Variants in PDIA4 observed in about 807,000 individuals in gnomAD.
PDIA4 encodes protein disulfide isomerase family A member 4, also known as protein disulfide-isomerase A4.
PDIA4 carries 33 observed loss-of-function variants against 62.1 expected under a neutral mutation model. That is an observed-to-expected ratio of 0.53 (90% CI 0.40 to 0.71). The LOEUF is 0.71. PDIA4 is among the 30% of genes least tolerant of loss of function. The pLI is 0.00. For synonymous variants in PDIA4, 341 were observed against 324.1 expected, an observed-to-expected ratio of 1.05 and a Z score of -0.56; for missense variants, 804 against 813.6, an observed-to-expected ratio of 0.99 and a Z score of 0.14.
At chr7:149,015,682 G>A (rs546618935) in intron 3 of PDIA4, among the ~76,000 whole-genome samples, 45 of 152,284 alleles carry the variant, frequency 3.0e-4, no homozygotes, top group African/African-American at 8.7e-4. Context: ...TTCTTAGGAC[G>A]AGTGGTTGCA....
intron 7 of PDIA4, among the ~76,000 whole-genome samples, chr7:149,007,009 T>A (rs1054267572): frequency 1.3e-5 from 2 of 152,064 alleles, no homozygotes; most frequent in Non-Finnish European, 2.9e-5. Flanking sequence ...TCGGGATCAA[T>A]GGCCCCCCAA....
At chr7:149,007,974 G>GGC (rs1194745296) in intron 7 of PDIA4, among the ~76,000 whole-genome samples, 185 bp downstream of exon 7, 2 of 152,258 alleles carry the variant, frequency 1.3e-5, no homozygotes, top group Non-Finnish European at 2.9e-5. Flanking sequence ...CTGTCCCTCC[G>GGC]GCAAAGAGAG....
intron 1 of PDIA4, among the ~76,000 whole-genome samples, chr7:149,026,800 GAA>G (rs71529658): frequency 0.26 from 32,276 of 125,302 alleles, 4,285 homozygotes; most frequent in African/African-American, 0.4. Context: ...CCTTATCTAG[GAA>G]AAAAAAAAAA....
chr7:149,015,876 G>A (rs1369881913), intron 3 of PDIA4, among the ~76,000 whole-genome samples: 3 of 152,242 alleles, frequency 2.0e-5, no homozygotes, highest in African/African-American at 7.2e-5. Flanking sequence ...TAACACATAG[G>A]AGGCCTCTTT....
Position 149,028,490 on chromosome 7 carries a change from C to A in PDIA4, c.-82G>T, listed in dbSNP as rs1317901842. On this transcript the variant is annotated 5_prime_UTR_variant, in exon 1 of 10. Coordinates refer to ENST00000652332, the MANE Select transcript of PDIA4 (RefSeq NM_004911.5). Reference sequence around the variant, plus strand: ...ACTCGGGGTCTGGCCGACAGCCCGTCGCTCCTTAGCGACGCGGGGGAGCCG... The same window carrying A: ...ACTCGGGGTCTGGCCGACAGCCCGTAGCTCCTTAGCGACGCGGGGGAGCCG... 1.5e-5 allele frequency: 14 copies of A among 965,146 alleles called. No homozygotes were observed. The highest frequency in any genetic ancestry group is 7.0e-5 in the African/African-American group (4 of 57,234). The allele number at this position is 965,146 out of a possible 1,614,324, so 59.8% of individuals were successfully genotyped here.
intron 1 of PDIA4, among the ~76,000 whole-genome samples, chr7:149,027,543 T>A (rs568439678): frequency 5.9e-5 from 9 of 152,356 alleles, no homozygotes; most frequent in Admixed American, 5.9e-4. Context: ...GGATGCCTTA[T>A]TCTCTAGGAA....
At chr7:149,022,801 G>A (rs1018512114) in intron 1 of PDIA4, among the ~76,000 whole-genome samples, 7 of 152,112 alleles carry the variant, frequency 4.6e-5, no homozygotes, top group Non-Finnish European at 7.4e-5. Context: ...GGTCTGTGCC[G>A]GGCAGGGAGA....
intron 1 of PDIA4, 113 bp downstream of exon 1, chr7:149,028,208 T>A (rs1179738507): frequency 1.4e-6 from 1 of 727,608 alleles, no homozygotes; most frequent in African/African-American, 1.8e-5. Context: ...CCATCACTAG[T>A]TCTGGAGCTG....
At chr7:149,025,111 T>C (rs1336236505) in intron 1 of PDIA4, among the ~76,000 whole-genome samples, 2 of 124,020 alleles carry the variant, frequency 1.6e-5, no homozygotes, top group African/African-American at 5.9e-5. Context: ...TATATATGTA[T>C]GTCCAGAGCC....
At chr7:149,011,514 A>C (rs987475505) in intron 6 of PDIA4, among the ~76,000 whole-genome samples, 15 of 152,218 alleles carry the variant, frequency 9.9e-5, no homozygotes, top group African/African-American at 3.4e-4. Context: ...TCACAGTGAT[A>C]ATAACTGGAA....
In PDIA4 at chr7:149,005,431, G is replaced by C. The variant is rs577033960; in HGVS notation, c.1289-57C>G. The C allele has an allele frequency of 7.2e-6, 8 of 1,112,324 alleles. No individual in the cohort carries two copies. The East Asian group carries it at 1.6e-4, about 23-fold the overall frequency. 68.9% of individuals were successfully genotyped at this position (1,112,324 alleles called of 1,614,324 possible). A position where few individuals can be genotyped will look rare whatever the true frequency, so the allele number is the denominator to read the frequency against. ...GCCACACAGAGCAAGTCCCAGCTCA[G>C]ACTCTGAGGTCAGGCTTCAGGTCCT... On this transcript the variant is annotated intron_variant, in intron 8 of 9. Coordinates refer to ENST00000652332, the MANE Select transcript of PDIA4 (RefSeq NM_004911.5).
intron 4 of PDIA4, among the ~76,000 whole-genome samples, chr7:149,012,574 G>A (rs1342894415): frequency 1.3e-5 from 2 of 152,150 alleles, no homozygotes; most frequent in African/African-American, 2.4e-5. Context: ...CACACACTGG[G>A]GGTGGAGCAT....
In PDIA4 at chr7:149,003,702, A is replaced by G. The variant is rs1823624693; in HGVS notation, c.*92T>C. ...AAAAAAAAAAAAAGGAATCCGAGAT[A>G]CTGTCGTTTGTTGCCGGCCTCGGCG... On this transcript the variant is annotated 3_prime_UTR_variant, in exon 10 of 10. Coordinates refer to ENST00000652332, the MANE Select transcript of PDIA4 (RefSeq NM_004911.5). The G allele has an allele frequency of 1.1e-6, 1 of 869,658 alleles. No individual in the cohort carries two copies. The highest frequency in any genetic ancestry group is 1.7e-6 in the Non-Finnish European group (1 of 595,890). The allele number at this position is 869,658 out of a possible 1,614,324, so 53.9% of individuals were successfully genotyped here.
chr7:149,004,214 C>G lies in PDIA4; in HGVS notation c.1523-5G>C, dbSNP rs1823660407. On this transcript the variant is annotated splice_region_variant and splice_polypyrimidine_tract_variant and intron_variant, in intron 9 of 9. Transcript: ENST00000652332. ...TGATGACTGGCTTCAGTTTTCCTGC[C>G]AAGGAAAGCAAGGCGGGAGGGGGCG... 6.2e-7 allele frequency: 1 copy of G among 1,607,804 alleles called. No individual in the cohort carries two copies. The highest frequency in any genetic ancestry group is 1.3e-5 in the African/African-American group (1 of 74,762).
At chr7:149,020,147 G>A (rs2129505350) in intron 2 of PDIA4, among the ~76,000 whole-genome samples, 1 of 152,150 alleles carries the variant, frequency 6.6e-6, no homozygotes, top group East Asian at 1.9e-4. Flanking sequence ...TTTTAGTAGA[G>A]ATGGGGGTTC....
chr7:149,023,192 A>C (rs923922688), intron 1 of PDIA4, among the ~76,000 whole-genome samples: 1 of 152,206 alleles, frequency 6.6e-6, no homozygotes, highest in Non-Finnish European at 1.5e-5. Context: ...TGTGTCTGAC[A>C]GTACAGGCAG....
At position 149,008,196 on chromosome 7, in the gene PDIA4, G is replaced by C; in HGVS notation, c.1094C>G (p.Ser365Cys). ...CATGTGGCTCCGGGGCTCATACTTG[G>C]ACTGGAATTTCTCAGGCTGCATTAC... The part of the protein sequence containing the change: ...LVVMQPEKFQ[S>C]KYEPRSHMMD... The change falls in exon 7 of 10, where the codon TCC (serine) becomes TGC (cysteine). Residue 365 changes from serine (S) to cysteine (C), a missense_variant. Physicochemically the swap from Ser to Cys is moderately radical, Grantham distance 112. Coordinates refer to ENST00000652332, the MANE Select transcript of PDIA4 (RefSeq NM_004911.5). 6.2e-7 allele frequency: 1 copy of C among 1,614,132 alleles called. No homozygotes were observed. Among genetic ancestry groups the C allele is most frequent in the Non-Finnish European group, 8.5e-7 (1 of 1,180,014 alleles).
At position 149,005,318 on chromosome 7, in the gene PDIA4, TG is replaced by T; in HGVS notation, c.1344del (p.Tyr448Ter). ...TCCTCTTCGTCCGCAATGGCAAAGG[TG>T]TACTCAGGGAAGTCCTTGGCCACCT... Reference protein sequence around the residue: ...VLEVAKDFPEYTFAIADEEDY... With the variant: ...VLEVAKDFPEXTFAIADEEDY... On this transcript the variant is annotated frameshift_variant, in exon 9 of 10. Coordinates refer to ENST00000652332, the MANE Select transcript of PDIA4 (RefSeq NM_004911.5). LOFTEE classifies it high-confidence loss of function. 1 of 1,614,108 alleles carries T rather than the reference TG, an allele frequency of 6.2e-7. No individual in the cohort carries two copies. The highest frequency in any genetic ancestry group is 1.7e-5 in the Admixed American group (1 of 60,022).
chr7:149,015,507 A>T (rs896722914), intron 3 of PDIA4, among the ~76,000 whole-genome samples: 52 of 151,750 alleles, frequency 3.4e-4, no homozygotes, highest in Admixed American at 3.2e-3. Context: ...AAAAAAAAAA[A>T]AAAAGGAAAA....
Sources: gnomAD v4.1 joint callset for allele counts (sites outside exome capture counted in the v4.1 genomes callset) on GRCh38, gnomAD v4.1.1 for gene constraint, MANE v1.5 for transcripts, NCBI Gene and HGNC (gene_info 2026-07-23, HGNC 2026-07-21) for gene names.